The following PIGH variants were observed in gnomAD, a reference collection of about 807,000 sequenced individuals.
PIGH encodes phosphatidylinositol glycan anchor biosynthesis class H, also known as phosphatidylinositol N-acetylglucosaminyltransferase subunit H.
In PIGH, 11 loss-of-function variants were observed where a neutral mutation model predicts 20.1. That is an observed-to-expected ratio of 0.55 (90% CI 0.34 to 0.91). The LOEUF is 0.91. Ranked by LOEUF, PIGH falls within the 40% of genes least tolerant of loss-of-function variation. PIGH has a pLI of 0.02. For synonymous variants in PIGH, 72 were observed against 93.1 expected, an observed-to-expected ratio of 0.77 and a Z score of 1.31; for missense variants, 189 against 233.6, an observed-to-expected ratio of 0.81 and a Z score of 1.24.
chr14:67,591,704 G>A (rs935476649), intron 3 of PIGH: 1 of 151,914 alleles, frequency 6.6e-6, no homozygotes, highest in African/African-American at 2.4e-5. Flanking sequence ...GCTAATTTTG[G>A]TATTTTTTGT....
chr14:67,590,872 G>C (rs1037092009), intron 3 of PIGH, among the ~76,000 whole-genome samples: 1 of 152,152 alleles, frequency 6.6e-6, no homozygotes, highest in Non-Finnish European at 1.5e-5. Flanking sequence ...GAATAAGCAA[G>C]AGGAAAAACA....
intron 3 of PIGH, among the ~76,000 whole-genome samples, chr14:67,591,282 T>C (rs754380600): frequency 1.5e-4 from 23 of 152,288 alleles, no homozygotes; most frequent in Non-Finnish European, 2.8e-4. Context: ...TTAGCCAGGA[T>C]GGTAGAAAAA....
In PIGH at chr14:67,599,741, T is replaced by C. The variant is rs527884735; in HGVS notation, c.180+283A>G. 1.4e-4 allele frequency among the ~76,000 whole-genome samples: 22 copies of C among 152,322 alleles called. 1 individual carries two copies. The South Asian group carries it at 3.5e-3, about 24-fold the overall frequency. Reference sequence around the variant, plus strand: ...ATAGAACACATGGCAGTTAAAGTTTTAGGCCGTCGCGCAAGAACTAGATGT... The same window carrying C: ...ATAGAACACATGGCAGTTAAAGTTTCAGGCCGTCGCGCAAGAACTAGATGT... On this transcript the variant is annotated intron_variant, in intron 1 of 3. Transcript: ENST00000216452.
At chr14:67,592,777 TTC>T in intron 2 of PIGH, 59 bp from the exon 3 acceptor site, 1 of 1,044,074 alleles carries the variant, frequency 9.6e-7, no homozygotes, top group Non-Finnish European at 1.5e-6. Context: ...CATTCTTTTT[TTC>T]TTTTTCCTTT....
intron 2 of PIGH, chr14:67,593,133 TTAAG>T (rs2036407301): frequency 6.0e-6 from 1 of 166,110 alleles, no homozygotes; most frequent in Non-Finnish European, 1.3e-5. Flanking sequence ...TCACAAATGT[TTAAG>T]TAGTAGAACA....
chr14:67,589,585 T>C lies in PIGH; in HGVS notation c.*495A>G. Reference sequence around the variant, plus strand: ...TTATTAACAGTAAATAAATAAGCCCTGTACAGAACACAGGCACTAGGTTGA... The same window carrying C: ...TTATTAACAGTAAATAAATAAGCCCCGTACAGAACACAGGCACTAGGTTGA... On this transcript the variant is annotated 3_prime_UTR_variant, in exon 4 of 4. Transcript: ENST00000216452. The C allele has an allele frequency of 3.0e-6, 3 of 985,800 alleles. No homozygotes were observed. The highest frequency in any genetic ancestry group is 9.4e-5 in the South Asian group (2 of 21,312). 61.1% of individuals were successfully genotyped at this position (985,800 alleles called of 1,614,324 possible).
At chr14:67,598,734 G>C (rs1362573582) in intron 1 of PIGH, among the ~76,000 whole-genome samples, 1 of 136,912 alleles carries the variant, frequency 7.3e-6, no homozygotes, top group East Asian at 2.1e-4. Context: ...TTTTGAGACA[G>C]AGTCTCCCTC....
At chr14:67,596,458 A>G (rs1282270600) in intron 1 of PIGH, among the ~76,000 whole-genome samples, 5 of 151,676 alleles carry the variant, frequency 3.3e-5, no homozygotes, top group African/African-American at 1.2e-4. Context: ...GATTTAGAAG[A>G]CTGGCACAGG....
chr14:67,592,085 G>A (rs1238848722), intron 3 of PIGH: 1 of 173,826 alleles, frequency 5.8e-6, no homozygotes, highest in African/African-American at 2.4e-5. Context: ...CAGAGTCAAA[G>A]TAGATGAATG....
At chr14:67,590,250 T>A (rs61990079) in intron 3 of PIGH, 78 bp from the exon 4 acceptor site, 20 of 95,964 alleles carry the variant, frequency 2.1e-4, no homozygotes, top group South Asian at 7.0e-4. Context: ...CACTTGCAAA[T>A]TTTTTTTTTT....
intron 2 of PIGH, 53 bp from the exon 3 acceptor site, chr14:67,592,771 C>A: frequency 9.4e-7 from 1 of 1,065,266 alleles, no homozygotes; most frequent in Non-Finnish European, 1.4e-6. Context: ...ATTTTGCATT[C>A]TTTTTTTCTT....
chr14:67,594,058 G>T, intron 1 of PIGH, 106 bp from the exon 2 acceptor site: 1 of 705,900 alleles, frequency 1.4e-6, no homozygotes, highest in Non-Finnish European at 2.4e-6. Flanking sequence ...CTTTTATTTG[G>T]GTTCTAAGGT....
At position 67,590,188 on chromosome 14, in the gene PIGH, G is replaced by A; in HGVS notation, c.475-16C>T. 1 of 1,546,050 alleles carries A rather than the reference G, an allele frequency of 6.5e-7. No individual in the cohort carries two copies. On this transcript the variant is annotated splice_polypyrimidine_tract_variant and intron_variant, in intron 3 of 3. Transcript: ENST00000216452. ...GCTTGGCACTCTGAATTCCAAAGGGGAGAAATGCGGAGTCAAGGTGAGAAT... is the reference window on the plus strand; with the variant it reads ...GCTTGGCACTCTGAATTCCAAAGGGAAGAAATGCGGAGTCAAGGTGAGAAT...
At position 67,599,183 on chromosome 14, in the gene PIGH, T is replaced by C. The variant is rs143492087; in HGVS notation, c.180+841A>G. On this transcript the variant is annotated intron_variant, in intron 1 of 3. Transcript: ENST00000216452. ...GTTACAAAAATAAATAGCCCTGCTG[T>C]ACTTAGCTCTGATTAGATCACTTCT... 1.8e-3 allele frequency among the ~76,000 whole-genome samples: 277 copies of C among 152,386 alleles called. 1 individual carries two copies. Among genetic ancestry groups the C allele is most frequent in the African/African-American group, 6.0e-3 (248 of 41,592 alleles).
In PIGH at chr14:67,589,518, G is replaced by GCTAT; in HGVS notation, c.*558_*561dup. 1 of 985,172 alleles carries GCTAT rather than the reference G, an allele frequency of 1.0e-6. No individual in the cohort carries two copies. Among genetic ancestry groups the GCTAT allele is most frequent in the East Asian group, 1.1e-4 (1 of 8,808 alleles). 61.0% of individuals were successfully genotyped at this position (985,172 alleles called of 1,614,324 possible). On this transcript the variant is annotated 3_prime_UTR_variant, in exon 4 of 4. Coordinates refer to ENST00000216452, the MANE Select transcript of PIGH (RefSeq NM_004569.5). ...TGATCTTGTTTGTCAATAAAAAGCA[G>GCTAT]CTATCTGTGAACCAGGTAACTGTGT...
At chr14:67,597,280 C>G (rs1211511490) in intron 1 of PIGH, among the ~76,000 whole-genome samples, 1 of 152,192 alleles carries the variant, frequency 6.6e-6, no homozygotes, top group East Asian at 1.9e-4. Context: ...GAGTTCAAGA[C>G]CAGCCTGGGC....
Position 67,593,940 on chromosome 14 carries a change from G to A in PIGH, c.193C>T (p.Leu65Phe). ...AGGGTGATGAAGATGGCAGCAGAGA[G>A]GATCATGCTGTTCTGAAGAGAGAGC... ...LFTLCENSMI[L>F]SAAIFITLLG... The change falls in exon 2 of 4, where the codon CTC (leucine) becomes TTC (phenylalanine). Residue 65 changes from leucine (L) to phenylalanine (F), a missense_variant. Physicochemically the swap from Leu to Phe is conservative, Grantham distance 22. Coordinates refer to ENST00000216452, the MANE Select transcript of PIGH (RefSeq NM_004569.5). The A allele has an allele frequency of 1.9e-6, 3 of 1,609,886 alleles. No individual in the cohort carries two copies. Among genetic ancestry groups the A allele is most frequent in the Non-Finnish European group, 2.5e-6 (3 of 1,177,144 alleles).
At chr14:67,597,477 CA>C (rs977377774) in intron 1 of PIGH, among the ~76,000 whole-genome samples, 1 of 144,554 alleles carries the variant, frequency 6.9e-6, no homozygotes, top group African/African-American at 2.6e-5. Context: ...GAACCTGTCT[CA>C]AAAAAAACAA....
Position 67,600,152 on chromosome 14 carries a change from G to C in PIGH, c.52C>G (p.Gln18Glu), listed in dbSNP as rs772178028. Residue 18 changes from glutamine to glutamate, a missense_variant, in exon 1 of 4, where the codon CAG becomes GAG. Transcript: ENST00000216452. Reference sequence around the variant, plus strand: ...CAGGACGGGGAGTAGTAGCGGCGCTGCAGCGCCAGGCGGCCGCCGCAGATA... The same window carrying C: ...CAGGACGGGGAGTAGTAGCGGCGCTCCAGCGCCAGGCGGCCGCCGCAGATA... Reference protein sequence around the residue: ...SDICGGRLALQRRYYSPSCRE... With the variant: ...SDICGGRLALERRYYSPSCRE... 1 of 1,591,302 alleles carries C rather than the reference G, an allele frequency of 6.3e-7. No homozygotes were observed. Among genetic ancestry groups the C allele is most frequent in the Non-Finnish European group, 8.5e-7 (1 of 1,169,860 alleles).
Sources: allele counts gnomAD v4.1 joint callset (sites outside exome capture counted in the v4.1 genomes callset), GRCh38; gene constraint gnomAD v4.1.1; transcripts MANE v1.5; gene names NCBI Gene and HGNC (gene_info 2026-07-23, HGNC 2026-07-21).